Variants in CNTNAP5 observed in about 807,000 individuals in gnomAD.
CNTNAP5 encodes contactin-associated protein-like 5.
Under a neutral mutation model 150.2 loss-of-function variants are expected in CNTNAP5, and 72 were observed. That is an observed-to-expected ratio of 0.48 (90% CI 0.40 to 0.58). The LOEUF (loss-of-function observed/expected upper bound fraction) is 0.58. Among genes scored for constraint, CNTNAP5 ranks in the 20% least tolerant of loss-of-function variants. The pLI, the probability that CNTNAP5 is intolerant of heterozygous loss-of-function variation, is 0.00. For synonymous variants in CNTNAP5, 672 were observed against 619.8 expected (o/e 1.08, Z -1.25); for missense variants, 1,636 against 1,626.2 (o/e 1.01, Z -0.10).
At chr2:124,058,597 A>G (rs1011858902) in intron 1 of CNTNAP5, among the ~76,000 whole-genome samples, 3 of 152,116 alleles carry the variant, frequency 2.0e-5, no homozygotes, top group Non-Finnish European at 1.5e-5. Context: ...ATACCATTGT[A>G]TATATCTCAC....
chr2:124,616,359 A>G (rs1178012282), intron 12 of CNTNAP5, among the ~76,000 whole-genome samples: 1 of 152,164 alleles, frequency 6.6e-6, no homozygotes, highest in Non-Finnish European at 1.5e-5. Context: ...AAACCTCATG[A>G]TCCGGCCTCT....
intron 11 of CNTNAP5, among the ~76,000 whole-genome samples, chr2:124,568,105 C>T (rs927938935): frequency 6.6e-6 from 1 of 152,304 alleles, no homozygotes; most frequent in Non-Finnish European, 1.5e-5. Context: ...ACAAGCAAGG[C>T]ATTTGCAAAC....
chr2:124,863,366 T>G (rs944055308), intron 19 of CNTNAP5, among the ~76,000 whole-genome samples: 1 of 152,216 alleles, frequency 6.6e-6, no homozygotes, highest in African/African-American at 2.4e-5. Flanking sequence ...ATCTGCACAG[T>G]GACTCGCCCC....
chr2:124,540,468 A>G (rs1053537798), intron 10 of CNTNAP5, among the ~76,000 whole-genome samples: 4 of 152,152 alleles, frequency 2.6e-5, no homozygotes, highest in Admixed American at 1.3e-4. Flanking sequence ...TAACTGAGAG[A>G]CTGCCTGTGC....
chr2:124,378,446 A>T (rs1424521904), intron 3 of CNTNAP5, among the ~76,000 whole-genome samples: 1 of 152,174 alleles, frequency 6.6e-6, no homozygotes. Context: ...TTCTTTAAAT[A>T]TAAAAGCATA....
chr2:124,360,677 C>T (rs1185503482), intron 3 of CNTNAP5, among the ~76,000 whole-genome samples: 3 of 126,542 alleles, frequency 2.4e-5, no homozygotes, highest in Admixed American at 8.2e-5. Context: ...CCGAGAGATC[C>T]GCTGTTAGTC....
chr2:124,577,910 G>C (rs987141431), intron 11 of CNTNAP5, among the ~76,000 whole-genome samples: 1 of 152,006 alleles, frequency 6.6e-6, no homozygotes, highest in African/African-American at 2.4e-5. Flanking sequence ...TTAATGGAGA[G>C]AAATAATGAT....
At chr2:124,711,360 C>G (rs1679804218) in intron 13 of CNTNAP5, among the ~76,000 whole-genome samples, 1 of 152,126 alleles carries the variant, frequency 6.6e-6, no homozygotes, top group South Asian at 2.1e-4. Context: ...ACACACTGTT[C>G]CATCTCTCCA....
intron 2 of CNTNAP5, among the ~76,000 whole-genome samples, chr2:124,234,206 C>T (rs1046737644): frequency 6.6e-6 from 1 of 152,126 alleles, no homozygotes; most frequent in Non-Finnish European, 1.5e-5. Flanking sequence ...ACATAATCCA[C>T]TAGAATCCAC....
chr2:124,226,891 T>C (rs1686472740), intron 2 of CNTNAP5, among the ~76,000 whole-genome samples: 1 of 152,014 alleles, frequency 6.6e-6, no homozygotes, highest in Non-Finnish European at 1.5e-5. Flanking sequence ...TCCTTCATCT[T>C]ATAAAGCCAC....
chr2:124,139,527 G>T (rs909243689), intron 1 of CNTNAP5, among the ~76,000 whole-genome samples: 8 of 152,104 alleles, frequency 5.3e-5, no homozygotes, highest in African/African-American at 1.9e-4. Context: ...CTTCAGAGGA[G>T]GAACAAGAGA....
At chr2:124,038,189 G>A (rs1283129789) in intron 1 of CNTNAP5, among the ~76,000 whole-genome samples, 1 of 152,206 alleles carries the variant, frequency 6.6e-6, no homozygotes, top group Non-Finnish European at 1.5e-5. Flanking sequence ...GGCTTCGGAG[G>A]ATCCCGTTGG....
intron 6 of CNTNAP5, among the ~76,000 whole-genome samples, chr2:124,449,375 C>A (rs1236364233): frequency 1.3e-5 from 2 of 151,536 alleles, no homozygotes; most frequent in African/African-American, 2.4e-5. Flanking sequence ...GCAAAAAAAA[C>A]AAAACAAACA....
intron 1 of CNTNAP5, among the ~76,000 whole-genome samples, chr2:124,175,011 G>A (rs1308342381): frequency 6.6e-6 from 1 of 152,184 alleles, no homozygotes; most frequent in East Asian, 1.9e-4. Flanking sequence ...AATAAAATAT[G>A]TTTAATTAAA....
At chr2:124,120,674 A>T (rs575748157) in intron 1 of CNTNAP5, among the ~76,000 whole-genome samples, 1 of 152,204 alleles carries the variant, frequency 6.6e-6, no homozygotes, top group Non-Finnish European at 1.5e-5. Flanking sequence ...GGCGATTTAC[A>T]GGCAAGTTTT....
At chr2:124,047,786 A>G (rs900863281) in intron 1 of CNTNAP5, among the ~76,000 whole-genome samples, 2 of 152,086 alleles carry the variant, frequency 1.3e-5, no homozygotes, top group African/African-American at 2.4e-5. Flanking sequence ...CTTGCACTCC[A>G]TGGTATTTAT....
At chr2:124,142,817 C>T (rs1285157331) in intron 1 of CNTNAP5, among the ~76,000 whole-genome samples, 3 of 150,186 alleles carry the variant, frequency 2.0e-5, no homozygotes, top group Admixed American at 1.3e-4. Context: ...AATAGAGACA[C>T]AAAAAACCCT....
chr2:124,716,327 T>C (rs1464846530), intron 13 of CNTNAP5, among the ~76,000 whole-genome samples: 2 of 152,222 alleles, frequency 1.3e-5, no homozygotes, highest in Non-Finnish European at 2.9e-5. Context: ...TGTTTAAAAA[T>C]TGCCATCAAC....
chr2:124,599,528 C>G (rs1366291856), intron 11 of CNTNAP5, among the ~76,000 whole-genome samples: 2 of 151,856 alleles, frequency 1.3e-5, no homozygotes, highest in African/African-American at 2.4e-5. Context: ...GGTTTTCTTT[C>G]TTTATGATGT....
Sources: gnomAD v4.1 joint callset for allele counts (sites outside exome capture counted in the v4.1 genomes callset) on GRCh38, gnomAD v4.1.1 for gene constraint, MANE v1.5 for transcripts, NCBI Gene and HGNC (gene_info 2026-07-23, HGNC 2026-07-21) for gene names.